TNIK: variants seen among roughly 807,000 people sequenced by gnomAD.
TNIK encodes TRAF2 and NCK-interacting protein kinase.
Under a neutral mutation model 191.3 loss-of-function variants are expected in TNIK, and 49 were observed. The ratio of observed to expected loss-of-function variants is 0.26; its 90% confidence interval spans 0.20 to 0.32. The LOEUF is 0.32. TNIK is among the 10% of genes least tolerant of loss of function. The probability of loss-of-function intolerance (pLI) is 1.00; values close to 1 mark genes in which losing one functional copy is unlikely to be tolerated. For synonymous variants in TNIK, 594 were observed against 600.9 expected, an observed-to-expected ratio of 0.99 and a Z score of 0.17; for missense variants, 1,155 against 1,702.3, an observed-to-expected ratio of 0.68 and a Z score of 5.66.
At chr3:171,064,996 A>G (rs901299967) in intron 32 of TNIK, among the ~76,000 whole-genome samples, 1 of 152,170 alleles carries the variant, frequency 6.6e-6, no homozygotes, top group African/African-American at 2.4e-5. Context: ...GAAAACCACA[A>G]TGAAGAAAAG....
rs536992674 is a variant in TNIK, at chr3:171,450,490, G to A, written c.57+9517C>T. Among the ~76,000 whole-genome samples the A allele has an allele frequency of 1.3e-3, 205 of 152,206 alleles. 1 individual carries two copies. The highest frequency in any genetic ancestry group is 3.6e-3 in the African/African-American group (148 of 41,530). ...TATAACGGGACCCAGCACTGCATTCGAATTTCATCCTTGGACAAGACAAGT... is the reference window on the plus strand; with the variant it reads ...TATAACGGGACCCAGCACTGCATTCAAATTTCATCCTTGGACAAGACAAGT... On this transcript the variant is annotated intron_variant, in intron 1 of 32. Transcript: ENST00000436636.
chr3:171,103,885 T>C (rs1193880974), intron 21 of TNIK, among the ~76,000 whole-genome samples: 1 of 152,082 alleles, frequency 6.6e-6, no homozygotes, highest in Non-Finnish European at 1.5e-5. Context: ...TTAGAAATAT[T>C]TAGTCCACAG....
intron 18 of TNIK, among the ~76,000 whole-genome samples, chr3:171,120,680 A>G (rs1727601396): frequency 6.6e-6 from 1 of 152,070 alleles, no homozygotes; most frequent in South Asian, 2.1e-4. Flanking sequence ...ATCATAATAT[A>G]CAGAGGTAGA....
At chr3:171,209,570 A>G (rs1440635178) in intron 4 of TNIK, among the ~76,000 whole-genome samples, 4 of 152,126 alleles carry the variant, frequency 2.6e-5, no homozygotes, top group Non-Finnish European at 5.9e-5. Flanking sequence ...TTATCCAGTC[A>G]TATTTATTTT....
intron 1 of TNIK, among the ~76,000 whole-genome samples, chr3:171,407,766 C>T (rs1721890886): frequency 6.6e-6 from 1 of 152,238 alleles, no homozygotes; most frequent in South Asian, 2.1e-4. Context: ...GCATCTTCCA[C>T]TATGAATGAA....
intron 2 of TNIK, among the ~76,000 whole-genome samples, chr3:171,336,396 T>G (rs1046451865): frequency 3.4e-4 from 51 of 152,196 alleles, no homozygotes; most frequent in African/African-American, 1.2e-3. Context: ...CTGTGTTTCA[T>G]TTTCAGTGTT....
At chr3:171,071,176 G>C (rs1270437597) in intron 29 of TNIK, 47 bp downstream of exon 29, 1 of 1,482,896 alleles carries the variant, frequency 6.7e-7, no homozygotes. Flanking sequence ...GGGTAGAAAC[G>C]GAAAATTTTT....
At chr3:171,138,463 G>A in intron 14 of TNIK, 84 bp from the exon 15 acceptor site, 2 of 1,282,254 alleles carry the variant, frequency 1.6e-6, no homozygotes, top group African/African-American at 3.0e-5. Flanking sequence ...AGCATGCAAT[G>A]GAGGCAAAAT....
intron 2 of TNIK, among the ~76,000 whole-genome samples, chr3:171,280,549 T>C (rs983167052): frequency 2.6e-5 from 4 of 152,200 alleles, no homozygotes; most frequent in African/African-American, 7.2e-5. Flanking sequence ...ATAAAAGTTA[T>C]TGTTATTTAC....
chr3:171,131,734 G>T lies in TNIK; in HGVS notation c.1609-2856C>A, dbSNP rs535190155. Among the ~76,000 whole-genome samples, 8 of 152,276 alleles carry T rather than the reference G, an allele frequency of 5.3e-5. No individual in the cohort carries two copies. The East Asian group carries it at 1.3e-3, about 26-fold the overall frequency. On this transcript the variant is annotated intron_variant, in intron 15 of 32. Coordinates refer to ENST00000436636, the MANE Select transcript of TNIK (RefSeq NM_015028.4). ...CTGAAGTCTTTAGGAAGATAATGCC[G>T]CCCAAGTGTCTTTACACTGCAGAAT...
intron 1 of TNIK, among the ~76,000 whole-genome samples, chr3:171,433,937 CTTTTTTTTT>C (rs67036993): frequency 1.4e-5 from 1 of 71,114 alleles, no homozygotes; most frequent in Non-Finnish European, 2.5e-5. Flanking sequence ...TTTCTTTTTC[CTTTTTTTTT>C]TTTTTTTTTT....
intron 32 of TNIK, among the ~76,000 whole-genome samples, chr3:171,065,071 G>T (rs1718256305): frequency 6.6e-6 from 1 of 152,226 alleles, no homozygotes; most frequent in Admixed American, 6.5e-5. Context: ...CAGACAACTG[G>T]TGTGGCCCCA....
chr3:171,199,218 GAA>G (rs66941170), intron 4 of TNIK, among the ~76,000 whole-genome samples: 4 of 148,072 alleles, frequency 2.7e-5, no homozygotes, highest in African/African-American at 7.4e-5. Context: ...AAAAAAAAAA[GAA>G]AAAAAACAGC....
At chr3:171,315,377 T>C (rs920549975) in intron 2 of TNIK, among the ~76,000 whole-genome samples, 2 of 152,154 alleles carry the variant, frequency 1.3e-5, no homozygotes, top group African/African-American at 4.8e-5. Context: ...CTCTTACCAC[T>C]GAAGAGAGCA....
intron 2 of TNIK, among the ~76,000 whole-genome samples, chr3:171,302,348 G>A (rs1262718501): frequency 1.3e-5 from 2 of 152,090 alleles, no homozygotes; most frequent in South Asian, 4.1e-4. Context: ...TCTGTTTAGT[G>A]TATCTATAGA....
Position 171,138,361 on chromosome 3 carries a change from A to T in TNIK, c.1438T>A (p.Leu480Met), listed in dbSNP as rs373859946. Residue 480 changes from leucine (L) to methionine (M), a missense_variant, in exon 15 of 33, where the codon TTG becomes ATG. Around this residue, in one of 3 missense-constraint regions of TNIK, gnomAD observed 735 missense variants for 848.0 expected, o/e 0.87. Coordinates refer to ENST00000436636, the MANE Select transcript of TNIK (RefSeq NM_015028.4). ...CTTTCTGCTTGTCTCTGTTCTTCCA[A>T]TTGTTTGCGCTTATATTCCTGTCCA... is the stretch of plus-strand genomic sequence containing the variant. Reference protein sequence around the residue: ...ALLLEYKRKQLEEQRQAERLQ... With the variant: ...ALLLEYKRKQMEEQRQAERLQ... 1.9e-6 allele frequency: 3 copies of T among 1,603,234 alleles called. No individual in the cohort carries two copies. Among genetic ancestry groups the T allele is most frequent in the Non-Finnish European group, 2.6e-6 (3 of 1,175,852 alleles).
chr3:171,359,847 T>C (rs909734745), intron 2 of TNIK, among the ~76,000 whole-genome samples: 13 of 152,196 alleles, frequency 8.5e-5, no homozygotes, highest in Admixed American at 8.5e-4. Context: ...GAGCCCTAAA[T>C]TCTGTGCCTG....
chr3:171,137,372 A>G (rs1730175397), intron 15 of TNIK, among the ~76,000 whole-genome samples: 1 of 152,126 alleles, frequency 6.6e-6, no homozygotes, highest in East Asian at 1.9e-4. Context: ...CATCCTTTTA[A>G]ATGACCAGCT....
intron 2 of TNIK, among the ~76,000 whole-genome samples, chr3:171,311,991 G>A (rs1313140138): frequency 3.3e-5 from 5 of 151,578 alleles, no homozygotes; most frequent in Admixed American, 6.6e-5. Context: ...GGTTGGGGGC[G>A]GGTGCGCCTG....
Sources: allele counts gnomAD v4.1 joint callset (sites outside exome capture counted in the v4.1 genomes callset), GRCh38; gene constraint gnomAD v4.1.1; regional missense constraint gnomAD v4.1.1; transcripts MANE v1.5; gene names NCBI Gene and HGNC (gene_info 2026-07-23, HGNC 2026-07-21).